Variants in PCYT1B observed in about 807,000 individuals in gnomAD.
PCYT1B encodes the protein choline-phosphate cytidylyltransferase B.
PCYT1B carries 10 observed loss-of-function variants against 26.4 expected under a neutral mutation model. The observed-to-expected ratio is 0.38, with a 90% confidence interval of 0.23 to 0.64. The LOEUF is 0.64. Ranked by LOEUF, PCYT1B falls within the 30% of genes least tolerant of loss-of-function variation. PCYT1B has a pLI of 0.56. For missense variants in PCYT1B, 161 were observed against 292.7 expected, an observed-to-expected ratio of 0.55 and a Z score of 3.28; for synonymous variants, 131 against 108.4, an observed-to-expected ratio of 1.21 and a Z score of -1.29.
intron 1 of PCYT1B, among the ~76,000 whole-genome samples, chrX:24,636,854 T>C (rs940336852): frequency 4.5e-5 from 5 of 112,125 alleles, no homozygotes; most frequent in Non-Finnish European, 9.4e-5. Context: ...ATTTGTGAGA[T>C]TCATCCATAT....
At chrX:24,610,645 A>C (rs1925280379) in intron 2 of PCYT1B, among the ~76,000 whole-genome samples, 1 of 111,964 alleles carries the variant, frequency 8.9e-6, no homozygotes, top group Non-Finnish European at 1.9e-5. Context: ...GTAAAGAAAG[A>C]AGACGTAATT....
At chrX:24,562,732 T>C (rs865865516) in intron 7 of PCYT1B, among the ~76,000 whole-genome samples, 13 of 28,550 alleles carry the variant, frequency 4.6e-4, no homozygotes, top group African/African-American at 9.9e-4. Flanking sequence ...TTTTTTCTCT[T>C]TTTTTTTTTT....
intron 1 of PCYT1B, among the ~76,000 whole-genome samples, chrX:24,655,355 C>A (rs530401091): frequency 1.3e-4 from 15 of 112,430 alleles, no homozygotes; most frequent in African/African-American, 4.8e-4. Context: ...CTAATATAAC[C>A]CCTTAACCCC....
intron 7 of PCYT1B, among the ~76,000 whole-genome samples, chrX:24,563,848 C>T (rs1048994926): frequency 3.6e-5 from 4 of 111,174 alleles, no homozygotes; most frequent in African/African-American, 9.8e-5. Flanking sequence ...GGCAGTGAGG[C>T]GGGGGCAGGA....
intron 3 of PCYT1B, among the ~76,000 whole-genome samples, chrX:24,590,944 C>A (rs1415537736): frequency 9.1e-6 from 1 of 109,844 alleles, no homozygotes; most frequent in Non-Finnish European, 1.9e-5. Flanking sequence ...CAGGCTCCTG[C>A]CACCACCCAG....
chrX:24,647,250 G>A lies in PCYT1B; in HGVS notation c.-145C>T. ...CCCCTTCTTTCTGTCTTCCCTAGGG[G>A]AAGTAAAGAGGTTACCCCCCGCCCC... On this transcript the variant is annotated 5_prime_UTR_variant, in exon 1 of 8. Transcript: ENST00000379144. 9.9e-7 allele frequency: 1 copy of A among 1,009,198 alleles called. No homozygotes were observed. Among genetic ancestry groups the A allele is most frequent in the Non-Finnish European group, 1.3e-6 (1 of 795,978 alleles). The allele number at this position is 1,009,198 out of a possible 1,213,427, so 83.2% of individuals were successfully genotyped here.
At chrX:24,601,166 C>A (rs1924947958) in intron 3 of PCYT1B, among the ~76,000 whole-genome samples, 1 of 111,678 alleles carries the variant, frequency 9.0e-6, no homozygotes, top group Admixed American at 9.5e-5. Flanking sequence ...TTCTGTTCTG[C>A]AAGAGACAAT....
chrX:24,667,293 G>A (rs1927147248), intron 1 of PCYT1B, among the ~76,000 whole-genome samples: 1 of 110,906 alleles, frequency 9.0e-6, no homozygotes, highest in Non-Finnish European at 1.9e-5. Flanking sequence ...CTTAGTTTCT[G>A]AAGGAGACAA....
chrX:24,670,048 A>AAAAGAAAGAAAGAAAG (rs756342863), intron 1 of PCYT1B, among the ~76,000 whole-genome samples: 26 of 58,083 alleles, frequency 4.5e-4, no homozygotes, highest in Middle Eastern at 8.5e-3. Context: ...GTCTCAAAAA[A>AAAAGAAAGAAAGAAAG]AAAGAAAGAA....
chrX:24,615,071 C>T (rs761978611), intron 2 of PCYT1B, among the ~76,000 whole-genome samples: 1 of 112,018 alleles, frequency 8.9e-6, no homozygotes, highest in East Asian at 2.8e-4. Context: ...CCACTCGCCT[C>T]GGCCTCCCAA....
intron 1 of PCYT1B, among the ~76,000 whole-genome samples, chrX:24,624,136 A>AT (rs1181061117): frequency 1.8e-5 from 2 of 109,203 alleles, no homozygotes; most frequent in Non-Finnish European, 3.8e-5. Flanking sequence ...CACCCGGCTA[A>AT]TTTTTTGTAT....
chrX:24,628,054 T>C (rs1448866568), intron 1 of PCYT1B, among the ~76,000 whole-genome samples: 1 of 111,846 alleles, frequency 8.9e-6, no homozygotes, highest in African/African-American at 3.3e-5. Flanking sequence ...AGATGTCAGG[T>C]AGACAGTTGG....
intron 3 of PCYT1B, among the ~76,000 whole-genome samples, chrX:24,602,419 T>C (rs765671542): frequency 2.7e-5 from 3 of 112,081 alleles, no homozygotes; most frequent in African/African-American, 9.7e-5. Flanking sequence ...TGTGGATACC[T>C]GTCATTATAC....
At chrX:24,609,997 G>A (rs1331686373) in intron 2 of PCYT1B, among the ~76,000 whole-genome samples, 1 of 110,840 alleles carries the variant, frequency 9.0e-6, no homozygotes, top group East Asian at 2.8e-4. Flanking sequence ...GGAGGCTGAG[G>A]CAGTAGAATC....
chrX:24,561,890 G>A lies in PCYT1B; in HGVS notation c.*403C>T, dbSNP rs1157558860. 3.2e-5 allele frequency: 14 copies of A among 435,452 alleles called. No homozygotes were observed. Among genetic ancestry groups the A allele is most frequent in the East Asian group, 7.6e-5 (2 of 26,350 alleles). The allele number at this position is 435,452 out of a possible 1,213,427, so 35.9% of individuals were successfully genotyped here. A position where few individuals can be genotyped will look rare whatever the true frequency, so the allele number is the denominator to read the frequency against. On this transcript the variant is annotated 3_prime_UTR_variant, in exon 8 of 8. Transcript: ENST00000379144. The stretch of plus-strand genomic sequence containing the variant: ...CAGAGCTGGGGTGGTGGGAGGCAAC[G>A]TGCAGGACCCTTATGGACGCAGAAG...
chrX:24,605,702 A>G (rs61761900), intron 3 of PCYT1B, among the ~76,000 whole-genome samples: 3,859 of 111,584 alleles, frequency 0.035, 158 homozygotes, highest in African/African-American at 0.12. Flanking sequence ...AGGTGGGTGG[A>G]TCACCTGAGG....
chrX:24,669,578 T>TA (rs1354530432), intron 1 of PCYT1B, among the ~76,000 whole-genome samples: 84 of 109,057 alleles, frequency 7.7e-4, no homozygotes, highest in African/African-American at 2.7e-3. Flanking sequence ...TAATTAATTT[T>TA]AAGTAATTAA....
At chrX:24,573,946 C>G (rs1923938213) in intron 7 of PCYT1B, among the ~76,000 whole-genome samples, 1 of 111,185 alleles carries the variant, frequency 9.0e-6, no homozygotes, top group Admixed American at 9.7e-5. Flanking sequence ...GCCTATAACA[C>G]CCACGTCTAT....
At chrX:24,629,576 A>AC (rs1925989574) in intron 1 of PCYT1B, among the ~76,000 whole-genome samples, 1 of 101,481 alleles carries the variant, frequency 9.9e-6, no homozygotes, top group African/African-American at 3.5e-5. Context: ...AAAAAAAAAA[A>AC]AAAAAAAAAA....
Sources: gnomAD v4.1 joint callset for allele counts (sites outside exome capture counted in the v4.1 genomes callset) on GRCh38, gnomAD v4.1.1 for gene constraint, MANE v1.5 for transcripts, NCBI Gene and HGNC (gene_info 2026-07-23, HGNC 2026-07-21) for gene names.